Variants in CYTH1 observed in about 807,000 individuals in gnomAD.
CYTH1 encodes cytohesin 1.
CYTH1 carries 18 observed loss-of-function variants against 61.8 expected under a neutral mutation model. The ratio of observed to expected loss-of-function variants is 0.29; its 90% confidence interval spans 0.20 to 0.43. The LOEUF (loss-of-function observed/expected upper bound fraction) is 0.43. Ranked by LOEUF, CYTH1 falls within the 20% of genes least tolerant of loss-of-function variation. The pLI is 1.00. For synonymous variants in CYTH1, 174 were observed against 184.3 expected (o/e 0.94, Z 0.45); for missense variants, 336 against 510.5 (o/e 0.66, Z 3.29).
intron 1 of CYTH1, among the ~76,000 whole-genome samples, chr17:78,768,138 AG>A (rs1291270263): frequency 6.6e-6 from 1 of 152,178 alleles, no homozygotes; most frequent in Admixed American, 6.5e-5. Flanking sequence ...AATATCCCCC[AG>A]AAAAATACAA....
At chr17:78,678,084 C>T (rs1010553665) in intron 13 of CYTH1, 3 of 152,316 alleles carry the variant, frequency 2.0e-5, no homozygotes, top group Non-Finnish European at 4.4e-5. Context: ...CTGCAGATCC[C>T]GAGGCTGAGG....
intron 1 of CYTH1, among the ~76,000 whole-genome samples, chr17:78,780,734 C>T (rs1244838382): frequency 6.6e-6 from 1 of 151,818 alleles, no homozygotes; most frequent in Non-Finnish European, 1.5e-5. Flanking sequence ...GGGCTGGGCG[C>T]GGTGGCTCAT....
At chr17:78,764,103 T>G (rs538698246) in intron 1 of CYTH1, among the ~76,000 whole-genome samples, 4 of 152,140 alleles carry the variant, frequency 2.6e-5, no homozygotes, top group Admixed American at 2.0e-4. Context: ...AGAGCGAGAG[T>G]CTGTCTCAAA....
intron 1 of CYTH1, among the ~76,000 whole-genome samples, chr17:78,726,449 T>C (rs1447131480): frequency 6.6e-6 from 1 of 151,998 alleles, no homozygotes; most frequent in South Asian, 2.1e-4. Flanking sequence ...TGAAAAGACA[T>C]GGTTTCGGCC....
At chr17:78,701,004 G>C (rs2093003201) in intron 6 of CYTH1, among the ~76,000 whole-genome samples, 1 of 152,210 alleles carries the variant, frequency 6.6e-6, no homozygotes, top group African/African-American at 2.4e-5. Context: ...CTACTGAGGA[G>C]TGGTTTCCCT....
At chr17:78,772,827 C>G (rs550627976) in intron 1 of CYTH1, among the ~76,000 whole-genome samples, 1 of 151,086 alleles carries the variant, frequency 6.6e-6, no homozygotes, top group South Asian at 2.1e-4. Context: ...TGAGCCACCA[C>G]ACCTGGCCTG....
At chr17:78,741,326 G>A (rs1415723382) in intron 1 of CYTH1, among the ~76,000 whole-genome samples, 1 of 152,044 alleles carries the variant, frequency 6.6e-6, no homozygotes, top group Non-Finnish European at 1.5e-5. Flanking sequence ...CTTGAAGCCA[G>A]GAGTTCAAGA....
intron 3 of CYTH1, among the ~76,000 whole-genome samples, chr17:78,703,166 C>A (rs1382130573): frequency 6.6e-6 from 1 of 151,444 alleles, no homozygotes; most frequent in Non-Finnish European, 1.5e-5. Context: ...GTAATCCCAG[C>A]ACTTTGGGAG....
chr17:78,705,869 G>T (rs1361554089), intron 3 of CYTH1, among the ~76,000 whole-genome samples: 1 of 152,146 alleles, frequency 6.6e-6, no homozygotes, highest in Non-Finnish European at 1.5e-5. Context: ...CACGTTCCTG[G>T]TGTCTGCGTT....
chr17:78,676,056 A>T lies in CYTH1; in HGVS notation c.*35T>A, dbSNP rs983259560. Reference sequence around the variant, plus strand: ...GGTGCGGGAGAAGAGCAGGAGCTCCAAGGCCCCCGCAGACCAACGCCCTTG... The same window carrying T: ...GGTGCGGGAGAAGAGCAGGAGCTCCTAGGCCCCCGCAGACCAACGCCCTTG... On this transcript the variant is annotated 3_prime_UTR_variant, in exon 14 of 14. Coordinates refer to ENST00000446868, the MANE Select transcript of CYTH1 (RefSeq NM_004762.6). The T allele has an allele frequency of 1.4e-5, 22 of 1,583,466 alleles. No homozygotes were observed. Among genetic ancestry groups the T allele is most frequent in the Middle Eastern group, 1.7e-4 (1 of 6,042 alleles).
At chr17:78,748,815 C>G (rs1025745068) in intron 1 of CYTH1, among the ~76,000 whole-genome samples, 2 of 152,178 alleles carry the variant, frequency 1.3e-5, no homozygotes, top group African/African-American at 4.8e-5. Flanking sequence ...CTTCCTGTTT[C>G]CTTTGCTCTC....
intron 1 of CYTH1, among the ~76,000 whole-genome samples, chr17:78,710,953 T>A (rs1015110869): frequency 7.2e-5 from 11 of 152,058 alleles, no homozygotes; most frequent in African/African-American, 2.7e-4. Flanking sequence ...CAGTTTGAGA[T>A]GTGCTGTAGG....
chr17:78,779,856 A>G (rs918683303), intron 1 of CYTH1, among the ~76,000 whole-genome samples: 1 of 152,226 alleles, frequency 6.6e-6, no homozygotes, highest in Non-Finnish European at 1.5e-5. Flanking sequence ...AGAACCCTAA[A>G]ACAAATGTTA....
At chr17:78,709,478 T>C (rs1208084639) in intron 2 of CYTH1, 172 bp downstream of exon 2, 1 of 627,842 alleles carries the variant, frequency 1.6e-6, no homozygotes, top group Non-Finnish European at 2.7e-6. Context: ...CTGCATCTCC[T>C]CAGCTGTAGA....
At chr17:78,760,601 A>G (rs1227599177) in intron 1 of CYTH1, among the ~76,000 whole-genome samples, 1 of 140,122 alleles carries the variant, frequency 7.1e-6, no homozygotes, top group African/African-American at 2.6e-5. Context: ...ATATGTATAT[A>G]TATAGTTTAA....
At chr17:78,689,170 GTACAAT>G (rs1346780886) in intron 11 of CYTH1, among the ~76,000 whole-genome samples, 3 of 152,132 alleles carry the variant, frequency 2.0e-5, no homozygotes, top group Non-Finnish European at 4.4e-5. Context: ...AGATACAGCT[GTACAAT>G]TGAAGTACAT....
intron 1 of CYTH1, chr17:78,723,092 G>C (rs962606353): frequency 8.5e-5 from 13 of 152,632 alleles, no homozygotes; most frequent in African/African-American, 3.1e-4. Flanking sequence ...GACATGCAGA[G>C]AGACAGCCAC....
intron 11 of CYTH1, among the ~76,000 whole-genome samples, chr17:78,683,401 G>A (rs2092783722): frequency 6.6e-6 from 1 of 152,192 alleles, no homozygotes; most frequent in African/African-American, 2.4e-5. Flanking sequence ...AGCTGACTGG[G>A]ACCTGAAGCC....
In CYTH1 at chr17:78,675,751, C is replaced by T. The variant is rs75814175; in HGVS notation, c.*340G>A. On this transcript the variant is annotated 3_prime_UTR_variant, in exon 14 of 14. Transcript: ENST00000446868. ...GGTGCAGGGTTTGAAGGCTTCTTCA[C>T]GGGGACAACCAAGAGGTAAACAGTT... The T allele has an allele frequency of 2.4e-3, 1,818 of 748,238 alleles. 27 individuals are homozygous for T. In the African/African-American group the frequency reaches 0.028, roughly 12 times the overall value. 46.3% of individuals were successfully genotyped at this position (748,238 alleles called of 1,614,324 possible). A position where few individuals can be genotyped will look rare whatever the true frequency, so the allele number is the denominator to read the frequency against.
Sources: gnomAD v4.1 joint callset for allele counts (sites outside exome capture counted in the v4.1 genomes callset) on GRCh38, gnomAD v4.1.1 for gene constraint, MANE v1.5 for transcripts, NCBI Gene and HGNC (gene_info 2026-07-23, HGNC 2026-07-21) for gene names.